MMP16: variants seen among roughly 807,000 people sequenced by gnomAD.
MMP16 encodes matrix metalloproteinase-16.
Under a neutral mutation model 67.8 loss-of-function variants are expected in MMP16, and 12 were observed. The observed-to-expected ratio is 0.18, with a 90% CI of 0.11 to 0.29. The LOEUF (loss-of-function observed/expected upper bound fraction) is 0.29. Among genes scored for constraint, MMP16 ranks in the 10% least tolerant of loss-of-function variants. The pLI is 1.00. For synonymous variants in MMP16, 249 were observed against 255.9 expected, an observed-to-expected ratio of 0.97 and a Z score of 0.26; for missense variants, 475 against 765.7, an observed-to-expected ratio of 0.62 and a Z score of 4.48.
At chr8:88,168,954 C>T (rs1406539528) in intron 3 of MMP16, among the ~76,000 whole-genome samples, 1 of 151,992 alleles carries the variant, frequency 6.6e-6, no homozygotes, top group Non-Finnish European at 1.5e-5. Flanking sequence ...GCAATCCTCC[C>T]ACCTTTGCCT....
In MMP16 at chr8:88,183,712, CTTTTTTTTTTTTT is replaced by C. The variant is rs71277981; in HGVS notation, c.404+2751_404+2763del. ...TTTTTCTGTTTAACAAAATGTCCTTCTTTTTTTTTTTTTTTTTTTTGAGATGGAGTTTCACTCT... is the reference window on the plus strand; with the variant it reads ...TTTTTCTGTTTAACAAAATGTCCTTCTTTTTTTGAGATGGAGTTTCACTCT... On this transcript the variant is annotated intron_variant, in intron 3 of 9. Coordinates refer to ENST00000286614, the MANE Select transcript of MMP16 (RefSeq NM_005941.5). Among the ~76,000 whole-genome samples, 3 of 92,068 alleles carry C rather than the reference CTTTTTTTTTTTTT, an allele frequency of 3.3e-5. No individual in the cohort carries two copies. The South Asian group carries it at 1.2e-3, about 37-fold the overall frequency. The allele number at this position is 92,068 out of a possible 152,430, so 60.4% of individuals were successfully genotyped here.
At chr8:88,103,173 C>T (rs527774363) in intron 6 of MMP16, among the ~76,000 whole-genome samples, 3 of 151,804 alleles carry the variant, frequency 2.0e-5, no homozygotes, top group Non-Finnish European at 4.4e-5. Flanking sequence ...GCTAACTTTA[C>T]ACCCGCACAT....
intron 1 of MMP16, among the ~76,000 whole-genome samples, chr8:88,197,639 C>T (rs1809278108): frequency 1.3e-5 from 2 of 152,100 alleles, no homozygotes; most frequent in Admixed American, 1.3e-4. Context: ...GGACCTCAAC[C>T]TCCCAAAATG....
At chr8:88,296,307 T>C (rs1374240609) in intron 1 of MMP16, among the ~76,000 whole-genome samples, 1 of 152,232 alleles carries the variant, frequency 6.6e-6, no homozygotes, top group Non-Finnish European at 1.5e-5. Context: ...AATTGACAAA[T>C]AATAATTGTG....
chr8:88,235,635 T>C (rs2337519), intron 1 of MMP16, among the ~76,000 whole-genome samples: 109,726 of 151,910 alleles, frequency 0.72, 42,077 homozygotes, highest in Non-Finnish European at 0.88. Context: ...CTTAGAAAAC[T>C]TGGCATGCTA....
At chr8:88,127,601 C>T (rs548612283) in intron 4 of MMP16, among the ~76,000 whole-genome samples, 1 of 151,870 alleles carries the variant, frequency 6.6e-6, no homozygotes, top group African/African-American at 2.4e-5. Flanking sequence ...ATTTTACTCT[C>T]ATTATTTCCA....
intron 4 of MMP16, among the ~76,000 whole-genome samples, chr8:88,129,567 T>A (rs1807992182): frequency 6.6e-6 from 1 of 151,590 alleles, no homozygotes; most frequent in Non-Finnish European, 1.5e-5. Context: ...GAAGAGCCTG[T>A]TTTGCCAAAA....
At chr8:88,133,278 TTAGA>T (rs1221205040) in intron 4 of MMP16, among the ~76,000 whole-genome samples, 2 of 151,884 alleles carry the variant, frequency 1.3e-5, no homozygotes, top group South Asian at 2.1e-4. Flanking sequence ...AACATGACAC[TTAGA>T]TAAAGAAAAA....
rs190559217 is a variant in MMP16, at chr8:88,289,261, T to C, written c.132+37814A>G. 4.9e-3 allele frequency among the ~76,000 whole-genome samples: 744 copies of C among 152,230 alleles called. 14 individuals are homozygous for C. The highest frequency in any genetic ancestry group is 3.6e-3 in the Non-Finnish European group (247 of 68,006). ...TAAAAAGATTAAAAGGAAAATATCA[T>C]AGGTTGCAGAAACACAGACATTTTT... is the stretch of plus-strand genomic sequence containing the variant. On this transcript the variant is annotated intron_variant, in intron 1 of 9. Transcript: ENST00000286614.
chr8:88,221,282 G>T (rs1220436002), intron 1 of MMP16, among the ~76,000 whole-genome samples: 1 of 152,040 alleles, frequency 6.6e-6, no homozygotes. Context: ...AATGCCAAAA[G>T]AAAACTCCTT....
At chr8:88,130,379 T>C (rs1368600755) in intron 4 of MMP16, among the ~76,000 whole-genome samples, 3 of 151,786 alleles carry the variant, frequency 2.0e-5, no homozygotes, top group East Asian at 3.9e-4. Flanking sequence ...GGATATGATG[T>C]AACCTAAGTG....
intron 4 of MMP16, among the ~76,000 whole-genome samples, chr8:88,149,697 A>G (rs779905068): frequency 9.4e-4 from 143 of 151,804 alleles, no homozygotes; most frequent in Admixed American, 2.2e-3. Flanking sequence ...CATCCACACC[A>G]AAAACCCATC....
At chr8:88,326,572 GTT>G (rs1309752383) in intron 1 of MMP16, among the ~76,000 whole-genome samples, 6 of 152,030 alleles carry the variant, frequency 3.9e-5, no homozygotes, top group Non-Finnish European at 7.4e-5. Flanking sequence ...ATTCTCAAGT[GTT>G]TTATCACAAA....
chr8:88,045,738 T>C (rs1394353783), intron 9 of MMP16, among the ~76,000 whole-genome samples: 1 of 152,120 alleles, frequency 6.6e-6, no homozygotes, highest in African/African-American at 2.4e-5. Context: ...CCTGACTCTT[T>C]CATTAACCTT....
intron 1 of MMP16, among the ~76,000 whole-genome samples, chr8:88,278,695 TGACA>T (rs1810686412): frequency 6.6e-6 from 1 of 152,188 alleles, no homozygotes; most frequent in African/African-American, 2.4e-5. Flanking sequence ...GGAATAATGA[TGACA>T]GAGTCATTTT....
chr8:88,161,371 T>C (rs572196128), intron 4 of MMP16, among the ~76,000 whole-genome samples: 20 of 152,316 alleles, frequency 1.3e-4, no homozygotes, highest in African/African-American at 4.8e-4. Context: ...GTAGTTTGTA[T>C]TTCTGTGGGA....
At chr8:88,141,583 G>C (rs1390901602) in intron 4 of MMP16, among the ~76,000 whole-genome samples, 1 of 152,124 alleles carries the variant, frequency 6.6e-6, no homozygotes, top group Non-Finnish European at 1.5e-5. Flanking sequence ...GTAAAGTTAA[G>C]ATAATAACAG....
intron 1 of MMP16, among the ~76,000 whole-genome samples, chr8:88,267,997 A>G (rs1300466566): frequency 7.7e-6 from 1 of 130,042 alleles, no homozygotes; most frequent in Non-Finnish European, 1.7e-5. Context: ...TGTATAAAAT[A>G]GAAGATCCTA....
chr8:88,147,806 C>A (rs1280755920), intron 4 of MMP16, among the ~76,000 whole-genome samples: 6 of 150,766 alleles, frequency 4.0e-5, no homozygotes, highest in Non-Finnish European at 3.0e-5. Context: ...TGTGCATGCA[C>A]GCCCCTAGTT....
Sources: allele counts gnomAD v4.1 joint callset (sites outside exome capture counted in the v4.1 genomes callset), GRCh38; gene constraint gnomAD v4.1.1; transcripts MANE v1.5; gene names NCBI Gene and HGNC (gene_info 2026-07-23, HGNC 2026-07-21).